The following FERRY3 variants were observed in gnomAD, a reference collection of about 807,000 sequenced individuals.
FERRY3 encodes FERRY endosomal RAB5 effector complex subunit 3.
chr12:4,492,039 C>A, the FERRY3 span, among the ~76,000 whole-genome samples: 1 of 152,032 alleles, frequency 6.6e-6, no homozygotes, highest in African/African-American at 2.4e-5. Flanking sequence ...CAGAGTGAGA[C>A]CCTTGCTCTA....
At chr12:4,536,309 G>A in the FERRY3 span, 6 of 702,478 alleles carry the variant, frequency 8.5e-6, no homozygotes, top group Non-Finnish European at 1.2e-5. Context: ...CACCATTCAA[G>A]AGATTTTGTC....
chr12:4,525,620 A>G, the FERRY3 span: 667 of 1,452,764 alleles, frequency 4.6e-4, 4 homozygotes, highest in African/African-American at 8.4e-3. Flanking sequence ...ATATTCATCA[A>G]ACTTTCAAGG....
the FERRY3 span, among the ~76,000 whole-genome samples, chr12:4,500,588 T>C: frequency 6.6e-6 from 1 of 152,154 alleles, no homozygotes; most frequent in African/African-American, 2.4e-5. Context: ...GACCACCAAG[T>C]AGTAAATAAA....
chr12:4,525,217 G>A, the FERRY3 span: 2,759 of 1,590,024 alleles, frequency 1.7e-3, 39 homozygotes, highest in African/African-American at 0.034. Context: ...ACTAACAATG[G>A]ACTACTATAT....
the FERRY3 span, chr12:4,489,795 A>G: frequency 1.5e-5 from 23 of 1,564,772 alleles, no homozygotes; most frequent in Middle Eastern, 5.1e-4. Flanking sequence ...CAGCATGTCA[A>G]TCTATAAGGG....
the FERRY3 span, among the ~76,000 whole-genome samples, chr12:4,524,338 C>G: frequency 6.6e-6 from 1 of 151,784 alleles, no homozygotes; most frequent in Non-Finnish European, 1.5e-5. Flanking sequence ...TTGGGGAAAA[C>G]AGTAAGGCAA....
the FERRY3 span, among the ~76,000 whole-genome samples, chr12:4,530,763 C>T: frequency 2.6e-5 from 4 of 151,946 alleles, no homozygotes; most frequent in African/African-American, 4.8e-5. Context: ...AAAGCAGAAA[C>T]AGGGAGAAAC....
At chr12:4,506,460 G>C in the FERRY3 span, among the ~76,000 whole-genome samples, 1 of 152,116 alleles carries the variant, frequency 6.6e-6, no homozygotes, top group East Asian at 1.9e-4. Context: ...GAGATAGAAG[G>C]CTTTGATGCT....
chr12:4,508,590 C>G, the FERRY3 span, among the ~76,000 whole-genome samples: 14 of 152,088 alleles, frequency 9.2e-5, no homozygotes, highest in East Asian at 1.9e-3. Flanking sequence ...ATTAAAAATA[C>G]AAAAATTAGC....
the FERRY3 span, among the ~76,000 whole-genome samples, chr12:4,499,875 C>T: frequency 6.6e-6 from 1 of 152,030 alleles, no homozygotes; most frequent in Non-Finnish European, 1.5e-5. Flanking sequence ...GGTGTAGGGG[C>T]ACATGCCTTA....
chr12:4,537,870 A>C, the FERRY3 span, among the ~76,000 whole-genome samples: 12 of 152,228 alleles, frequency 7.9e-5, no homozygotes, highest in Non-Finnish European at 1.2e-4. Flanking sequence ...TATGTTCGCT[A>C]AAGTACACCC....
the FERRY3 span, among the ~76,000 whole-genome samples, chr12:4,516,414 C>T: frequency 6.6e-6 from 1 of 152,178 alleles, no homozygotes; most frequent in Non-Finnish European, 1.5e-5. Context: ...TACATGCACA[C>T]GCATGGTCTT....
At chr12:4,498,008 G>GT in the FERRY3 span, among the ~76,000 whole-genome samples, 1 of 152,192 alleles carries the variant, frequency 6.6e-6, no homozygotes, top group South Asian at 2.1e-4. Flanking sequence ...CTGAATGGAT[G>GT]TTTAAATACA....
At chr12:4,535,984 G>C in the FERRY3 span, 29 of 1,471,600 alleles carry the variant, frequency 2.0e-5, no homozygotes, top group Non-Finnish European at 2.5e-5. This position sits in a 1 kb window ranked among gnomAD's most constrained non-coding sequence, Gnocchi z 4.0. Flanking sequence ...AACTAATAAA[G>C]TGGTGTTACT....
the FERRY3 span, chr12:4,500,155 C>T: frequency 1.2e-6 from 2 of 1,613,482 alleles, no homozygotes; most frequent in South Asian, 1.1e-5. Context: ...ATATCATGTA[C>T]CAGCAAGAGA....
the FERRY3 span, among the ~76,000 whole-genome samples, chr12:4,504,655 C>A: frequency 6.6e-6 from 1 of 152,098 alleles, no homozygotes; most frequent in East Asian, 1.9e-4. Flanking sequence ...GTTTATATTT[C>A]AGAGTAAAAC....
At chr12:4,519,693 A>ACAGCAGGAAGTGAG in the FERRY3 span, among the ~76,000 whole-genome samples, 4 of 152,192 alleles carry the variant, frequency 2.6e-5, no homozygotes, top group Admixed American at 6.5e-5. This position sits in a 1 kb window ranked among gnomAD's most constrained non-coding sequence, Gnocchi z 4.3. Flanking sequence ...ACCGGGCCGC[A>ACAGCAGGAAGTGAG]CAGCAGGAAG....
At chr12:4,506,750 A>G in the FERRY3 span, among the ~76,000 whole-genome samples, 1 of 152,134 alleles carries the variant, frequency 6.6e-6, no homozygotes, top group African/African-American at 2.4e-5. Flanking sequence ...ATGTGTATAA[A>G]CATTTTTGGC....
chr12:4,529,915 C>T, the FERRY3 span: 1 of 1,612,642 alleles, frequency 6.2e-7, no homozygotes, highest in Non-Finnish European at 8.5e-7. Flanking sequence ...CCAATCAGTT[C>T]TGAGATACTA....
Sources: allele counts gnomAD v4.1 joint callset (sites outside exome capture counted in the v4.1 genomes callset), GRCh38; gene constraint gnomAD v4.1.1; non-coding constraint Gnocchi (gnomAD v3.1); transcripts MANE v1.5; gene names NCBI Gene and HGNC (gene_info 2026-07-23, HGNC 2026-07-21).